The following SFMBT2 variants were observed in gnomAD, a reference collection of about 807,000 sequenced individuals.
The protein encoded by SFMBT2 is scm-like with four MBT domains protein 2.
A neutral mutation model predicts 110.1 loss-of-function variants in SFMBT2; 38 were observed. The ratio of observed to expected loss-of-function variants is 0.35; its 90% CI spans 0.27 to 0.45. The LOEUF (loss-of-function observed/expected upper bound fraction) is 0.45. SFMBT2 is among the 20% of genes least tolerant of loss of function. The probability of loss-of-function intolerance (pLI) is 1.00; values close to 1 mark genes in which losing one functional copy is unlikely to be tolerated. For missense variants in SFMBT2, 1,011 were observed against 1,094.9 expected (o/e 0.92, Z 1.08); for synonymous variants, 425 against 425.4 (o/e 1.00, Z 0.01).
At chr10:7,270,121 C>A (rs1841534226) in intron 7 of SFMBT2, among the ~76,000 whole-genome samples, 1 of 152,106 alleles carries the variant, frequency 6.6e-6, no homozygotes, top group African/African-American at 2.4e-5. Context: ...TCACACAGGG[C>A]CAGTCAAATG....
chr10:7,327,696 A>AG (rs1843436609), intron 4 of SFMBT2, among the ~76,000 whole-genome samples: 1 of 151,916 alleles, frequency 6.6e-6, no homozygotes, highest in South Asian at 2.1e-4. Flanking sequence ...AAAAAAAAAA[A>AG]GAACGTCATA....
intron 4 of SFMBT2, among the ~76,000 whole-genome samples, chr10:7,330,438 G>A (rs34030682): frequency 0.013 from 1,913 of 152,278 alleles, 15 homozygotes; most frequent in Non-Finnish European, 0.02. Context: ...GAGGAAGCAT[G>A]TGAATTGAGT....
At position 7,338,030 on chromosome 10, in the gene SFMBT2, C is replaced by A. The variant is rs564059431; in HGVS notation, c.436+29619G>T. On this transcript the variant is annotated intron_variant, in intron 4 of 20. Transcript: ENST00000397167. ...TTTAACACTTTGATGTCTCCACTAT[C>A]CATGCTAACCCAGCCCTCCACACAT... Among the ~76,000 whole-genome samples, 5 of 152,350 alleles carry A rather than the reference C, an allele frequency of 3.3e-5. No individual in the cohort carries two copies. The East Asian group carries it at 9.6e-4, about 29-fold the overall frequency.
At chr10:7,323,884 G>A (rs1421456050) in intron 4 of SFMBT2, among the ~76,000 whole-genome samples, 1 of 152,158 alleles carries the variant, frequency 6.6e-6, no homozygotes, top group Non-Finnish European at 1.5e-5. Flanking sequence ...TAGAGTTATA[G>A]AGACAGAGAC....
intron 10 of SFMBT2, among the ~76,000 whole-genome samples, chr10:7,226,043 C>T (rs1276309297): frequency 6.6e-6 from 1 of 152,160 alleles, no homozygotes; most frequent in Non-Finnish European, 1.5e-5. Context: ...AAACACACAC[C>T]ACTCGGTTCT....
At chr10:7,186,070 T>C (rs1234701421) in intron 16 of SFMBT2, among the ~76,000 whole-genome samples, 1 of 152,164 alleles carries the variant, frequency 6.6e-6, no homozygotes, top group East Asian at 1.9e-4. Flanking sequence ...ATTGCAATAA[T>C]TTCTTTCTAT....
chr10:7,330,911 C>A (rs1409926482), intron 4 of SFMBT2, among the ~76,000 whole-genome samples: 1 of 152,230 alleles, frequency 6.6e-6, no homozygotes, highest in Non-Finnish European at 1.5e-5. Context: ...GTAGCGTCCT[C>A]CCTGGAAGGG....
Position 7,163,589 on chromosome 10 carries a change from G to T in SFMBT2, c.*181C>A. 2 of 597,884 alleles carry T rather than the reference G, an allele frequency of 3.3e-6. No homozygotes were observed. Among genetic ancestry groups the T allele is most frequent in the Non-Finnish European group, 5.8e-6 (2 of 342,826 alleles). The allele number at this position is 597,884 out of a possible 1,614,324, so 37.0% of individuals were successfully genotyped here. ...ACTCCCCAGAAGCGACTGCTGCTGT[G>T]CTTTGAAAACATGGAAACAGCTCAC... On this transcript the variant is annotated 3_prime_UTR_variant, in exon 21 of 21. Transcript: ENST00000397167. The surrounding 1 kb of genome is among the most constrained non-coding windows in gnomAD (Gnocchi z 4.8).
intron 6 of SFMBT2, chr10:7,277,586 G>A (rs1404122278): frequency 1.3e-5 from 2 of 157,916 alleles, no homozygotes; most frequent in Non-Finnish European, 2.7e-5. Flanking sequence ...GGCAGTGGGA[G>A]GGGGGGCAAG....
At chr10:7,232,599 A>T (rs1338138441) in intron 9 of SFMBT2, among the ~76,000 whole-genome samples, 1 of 152,234 alleles carries the variant, frequency 6.6e-6, no homozygotes, top group African/African-American at 2.4e-5. Context: ...ACATATACAG[A>T]ATTATTAGAT....
In SFMBT2 at chr10:7,161,205, T is replaced by C. The variant is rs567817778; in HGVS notation, c.*2565A>G. Reference sequence around the variant, plus strand: ...TGGCGGGCCACACACTCTAGCTTCCTAGATGGGCTCCAGAGAGCTCCTGGA... The same window carrying C: ...TGGCGGGCCACACACTCTAGCTTCCCAGATGGGCTCCAGAGAGCTCCTGGA... On this transcript the variant is annotated 3_prime_UTR_variant, in exon 21 of 21. Coordinates refer to ENST00000397167, the MANE Select transcript of SFMBT2 (RefSeq NM_001387889.1). The C allele has an allele frequency of 6.6e-6, 1 of 152,346 alleles. No homozygotes were observed. Among genetic ancestry groups the C allele is most frequent in the East Asian group, 1.9e-4 (1 of 5,170 alleles). 9.4% of individuals were successfully genotyped at this position (152,346 alleles called of 1,614,324 possible). A position where few individuals can be genotyped will look rare whatever the true frequency, so the allele number is the denominator to read the frequency against.
intron 1 of SFMBT2, among the ~76,000 whole-genome samples, chr10:7,385,770 C>A (rs528306995): frequency 3.4e-4 from 52 of 152,094 alleles, no homozygotes; most frequent in Non-Finnish European, 5.3e-4. Flanking sequence ...GAGGCCGAGG[C>A]GGGCGGATCA....
At chr10:7,232,388 G>A (rs1001090165) in intron 9 of SFMBT2, among the ~76,000 whole-genome samples, 5 of 151,996 alleles carry the variant, frequency 3.3e-5, no homozygotes, top group Non-Finnish European at 7.4e-5. Context: ...ACTGAAAAAG[G>A]TGTTATACAT....
At chr10:7,343,602 T>C (rs770888415) in intron 4 of SFMBT2, among the ~76,000 whole-genome samples, 3 of 152,048 alleles carry the variant, frequency 2.0e-5, no homozygotes, top group Non-Finnish European at 2.9e-5. Context: ...TGAGATGGTG[T>C]CTCGTTGTGG....
intron 11 of SFMBT2, among the ~76,000 whole-genome samples, chr10:7,218,528 T>G (rs553962752): frequency 4.6e-5 from 7 of 152,304 alleles, no homozygotes; most frequent in African/African-American, 1.7e-4. Context: ...TACAAACACT[T>G]TTTAGAACAA....
chr10:7,299,233 A>G (rs948521222), intron 4 of SFMBT2, among the ~76,000 whole-genome samples: 1 of 152,230 alleles, frequency 6.6e-6, no homozygotes, highest in African/African-American at 2.4e-5. Flanking sequence ...AAAATTGACA[A>G]ATAGGTTCTA....
At chr10:7,258,340 C>T (rs147733128) in intron 7 of SFMBT2, among the ~76,000 whole-genome samples, 2,132 of 152,284 alleles carry the variant, frequency 0.014, 24 homozygotes, top group Non-Finnish European at 0.021. Context: ...TTCTTCCTTT[C>T]GGCTTATTTG....
chr10:7,328,778 G>A lies in SFMBT2; in HGVS notation c.436+38871C>T, dbSNP rs950234740. Among the ~76,000 whole-genome samples, 9 of 152,274 alleles carry A rather than the reference G, an allele frequency of 5.9e-5. No homozygotes were observed. The South Asian group carries it at 6.2e-4, about 11-fold the overall frequency. On this transcript the variant is annotated intron_variant, in intron 4 of 20. Coordinates refer to ENST00000397167, the MANE Select transcript of SFMBT2 (RefSeq NM_001387889.1). ...TCATCCTTTCTTTTATGCTTAAAAT[G>A]CAAAAGTCTCTCTGTGTACAAATAC... is the stretch of plus-strand genomic sequence containing the variant.
chr10:7,246,090 C>G (rs1165640518), intron 8 of SFMBT2: 2 of 935,974 alleles, frequency 2.1e-6, no homozygotes, highest in Non-Finnish European at 2.5e-6. Flanking sequence ...TTCTAAAAGA[C>G]AGATGCACAT....
Sources: gnomAD v4.1 joint callset for allele counts (sites outside exome capture counted in the v4.1 genomes callset) on GRCh38, gnomAD v4.1.1 for gene constraint, Gnocchi (gnomAD v3.1) non-coding constraint, MANE v1.5 for transcripts, NCBI Gene and HGNC (gene_info 2026-07-23, HGNC 2026-07-21) for gene names.